Variants in FRMD6 observed in about 807,000 individuals in gnomAD.
FRMD6 encodes the protein FERM domain-containing protein 6.
A neutral mutation model predicts 73.2 loss-of-function variants in FRMD6; 37 were observed. The observed-to-expected ratio is 0.51, with a 90% CI of 0.39 to 0.66. FRMD6 has a LOEUF of 0.66. Ranked by LOEUF, FRMD6 falls within the 30% of genes least tolerant of loss-of-function variation. The pLI, the probability that FRMD6 is intolerant of heterozygous loss-of-function variation, is 0.00. For synonymous variants in FRMD6, 273 were observed against 282.2 expected (o/e 0.97, Z 0.33); for missense variants, 714 against 780.5 (o/e 0.91, Z 1.02).
intron 1 of FRMD6, among the ~76,000 whole-genome samples, chr14:51,668,889 G>A (rs1197247128): frequency 6.6e-6 from 1 of 151,240 alleles, no homozygotes; most frequent in Non-Finnish European, 1.5e-5. Context: ...GGCTGGTCTC[G>A]AACTCCTGAC....
chr14:51,630,321 A>G (rs1333665061), intron 2 of FRMD6, among the ~76,000 whole-genome samples: 1 of 152,198 alleles, frequency 6.6e-6, no homozygotes, highest in Non-Finnish European at 1.5e-5. Context: ...CAGGTAAAGA[A>G]GCACAGGCAC....
At chr14:51,590,223 G>C (rs1253292895) in intron 2 of FRMD6, among the ~76,000 whole-genome samples, 1 of 152,192 alleles carries the variant, frequency 6.6e-6, no homozygotes, top group African/African-American at 2.4e-5. Context: ...CTCTCCGAGA[G>C]TGTCATGACA....
At chr14:51,711,668 C>T in intron 8 of FRMD6, 72 bp downstream of exon 8, 1 of 1,101,000 alleles carries the variant, frequency 9.1e-7, no homozygotes, top group South Asian at 1.3e-5. Context: ...TGTGGTCCTG[C>T]CACAGGTTCA....
At chr14:51,706,918 C>T (rs1896655080) in intron 6 of FRMD6, among the ~76,000 whole-genome samples, 1 of 152,038 alleles carries the variant, frequency 6.6e-6, no homozygotes, top group African/African-American at 2.4e-5. Context: ...ATCACAATGT[C>T]TGTCAAACTA....
the FRMD6 span, among the ~76,000 whole-genome samples, chr14:51,418,382 G>T: frequency 6.6e-6 from 1 of 152,102 alleles, no homozygotes; most frequent in African/African-American, 2.4e-5. Context: ...GTTCCTTTCC[G>T]TTTGTTAGTT....
At chr14:51,588,052 T>G (rs1361357673) in intron 2 of FRMD6, among the ~76,000 whole-genome samples, 2 of 152,040 alleles carry the variant, frequency 1.3e-5, no homozygotes, top group Non-Finnish European at 2.9e-5. Flanking sequence ...TAGTCTGTAT[T>G]ACTGTGCTAT....
chr14:51,455,164 A>G, the FRMD6 span, among the ~76,000 whole-genome samples: 6 of 152,240 alleles, frequency 3.9e-5, no homozygotes, highest in Admixed American at 2.6e-4. Flanking sequence ...TTCTTAGGAC[A>G]TTAAATATAC....
the FRMD6 span, among the ~76,000 whole-genome samples, chr14:51,430,279 GTTC>G: frequency 1.3e-5 from 2 of 152,146 alleles, no homozygotes; most frequent in Non-Finnish European, 2.9e-5. Flanking sequence ...GAAAGAAAGA[GTTC>G]TTTGTGTGTA....
At chr14:51,420,411 G>A in the FRMD6 span, among the ~76,000 whole-genome samples, 1,181 of 152,306 alleles carry the variant, frequency 7.8e-3, 16 homozygotes, top group African/African-American at 0.027. Context: ...CTTATGACTA[G>A]TAATGGCAAA....
the FRMD6 span, among the ~76,000 whole-genome samples, chr14:51,473,094 A>G: frequency 2.6e-5 from 4 of 152,192 alleles, no homozygotes; most frequent in East Asian, 7.7e-4. Context: ...AAGCACTGGG[A>G]ATAAAGTGAG....
the FRMD6 span, among the ~76,000 whole-genome samples, chr14:51,461,577 A>C: frequency 7.9e-5 from 12 of 152,340 alleles, no homozygotes; most frequent in South Asian, 1.4e-3. Flanking sequence ...AAAAAATACA[A>C]GGAGTTACTG....
At chr14:51,662,716 C>T (rs529876961) in intron 1 of FRMD6, among the ~76,000 whole-genome samples, 5 of 152,076 alleles carry the variant, frequency 3.3e-5, no homozygotes, top group African/African-American at 4.8e-5. Context: ...TAGGCAATAC[C>T]GTTCTGGACA....
the FRMD6 span, among the ~76,000 whole-genome samples, chr14:51,459,134 T>C: frequency 8.9e-3 from 1,355 of 152,344 alleles, 12 homozygotes; most frequent in Middle Eastern, 0.024. Flanking sequence ...TATTTACCTA[T>C]AACTGAAATC....
chr14:51,652,415 C>G (rs991048747), intron 1 of FRMD6, among the ~76,000 whole-genome samples: 26 of 152,190 alleles, frequency 1.7e-4, no homozygotes, highest in Admixed American at 1.5e-3. Context: ...CGCGGAGGTC[C>G]CCGGATCACA....
At chr14:51,421,315 T>C in the FRMD6 span, among the ~76,000 whole-genome samples, 2 of 152,286 alleles carry the variant, frequency 1.3e-5, no homozygotes, top group South Asian at 4.1e-4. Flanking sequence ...GCCACTGGAT[T>C]GAAAGCAGCA....
upstream of FRMD6, among the ~76,000 whole-genome samples, chr14:51,488,803 G>A (rs77364726): frequency 0.015 from 2,315 of 152,328 alleles, 59 homozygotes; most frequent in African/African-American, 0.053. Context: ...TTTGAACGAA[G>A]TTCGATCCCT....
intron 1 of FRMD6, among the ~76,000 whole-genome samples, chr14:51,516,044 C>T (rs1342514426): frequency 6.6e-6 from 1 of 152,182 alleles, no homozygotes; most frequent in Non-Finnish European, 1.5e-5. Context: ...AGTTTGGCTG[C>T]TGTGCATCTT....
At chr14:51,576,530 A>G (rs1402848829) in intron 2 of FRMD6, among the ~76,000 whole-genome samples, 2 of 152,090 alleles carry the variant, frequency 1.3e-5, no homozygotes, top group African/African-American at 4.8e-5. Context: ...TTATCCTGTG[A>G]ACTTCAATAT....
intron 1 of FRMD6, among the ~76,000 whole-genome samples, chr14:51,662,464 G>T (rs934279034): frequency 1.3e-5 from 2 of 152,102 alleles, no homozygotes; most frequent in African/African-American, 4.8e-5. Context: ...TAGAGCAGTG[G>T]AACAGAATAG....
Sources: allele counts gnomAD v4.1 joint callset (sites outside exome capture counted in the v4.1 genomes callset), GRCh38; gene constraint gnomAD v4.1.1; transcripts MANE v1.5; gene names NCBI Gene and HGNC (gene_info 2026-07-23, HGNC 2026-07-21).